Variants in SUPT20H observed in about 807,000 individuals in gnomAD.
SUPT20H encodes the protein transcription factor SPT20 homolog.
A neutral mutation model predicts 122.8 loss-of-function variants in SUPT20H; 82 were observed. That is an observed-to-expected ratio of 0.67 (90% CI 0.56 to 0.80). SUPT20H has a LOEUF of 0.80. Among genes scored for constraint, SUPT20H ranks in the 30% least tolerant of loss-of-function variants. The pLI, the probability that SUPT20H is intolerant of heterozygous loss-of-function variation, is 0.00. For synonymous variants in SUPT20H, 291 were observed against 313.0 expected, an observed-to-expected ratio of 0.93 and a Z score of 0.74; for missense variants, 831 against 921.6, an observed-to-expected ratio of 0.90 and a Z score of 1.27.
chr13:37,021,895 T>C lies in SUPT20H; in HGVS notation c.1661+116A>G, dbSNP rs2061502848. On this transcript the variant is annotated intron_variant, in intron 20 of 25. Transcript: ENST00000350612. ...GCAGCTTCTGTCCATATCTAAACTA[T>C]TCCTTTTCAGTCTGAGTAATATGCG... is the stretch of plus-strand genomic sequence containing the variant. The C allele has an allele frequency of 8.0e-6, 10 of 1,254,794 alleles. No homozygotes were observed. The Admixed American group carries it at 2.6e-4, about 32-fold the overall frequency. The allele number at this position is 1,254,794 out of a possible 1,614,324, so 77.7% of individuals were successfully genotyped here. A position where few individuals can be genotyped will look rare whatever the true frequency, so the allele number is the denominator to read the frequency against.
chr13:37,052,392 T>G (rs960958273), intron 1 of SUPT20H, among the ~76,000 whole-genome samples: 2 of 152,114 alleles, frequency 1.3e-5, no homozygotes, highest in African/African-American at 2.4e-5. Context: ...CATCTAATCT[T>G]TGACAAACCT....
intron 22 of SUPT20H, among the ~76,000 whole-genome samples, chr13:37,018,636 C>T (rs774596274): frequency 6.6e-6 from 1 of 152,092 alleles, no homozygotes; most frequent in Non-Finnish European, 1.5e-5. Context: ...TAGCATAACA[C>T]GAGGAATGTT....
intron 9 of SUPT20H, among the ~76,000 whole-genome samples, chr13:37,034,959 A>G (rs1040618177): frequency 3.9e-5 from 6 of 152,226 alleles, no homozygotes; most frequent in African/African-American, 7.2e-5. Context: ...GTTTTACTGA[A>G]TATTTTAAGG....
rs143280045 is a variant in SUPT20H at position 37,027,427 on chromosome 13, T to C, written c.1152-611A>G. 2.1e-3 allele frequency among the ~76,000 whole-genome samples: 322 copies of C among 152,240 alleles called. 3 individuals are homozygous for C. Among genetic ancestry groups the C allele is most frequent in the African/African-American group, 6.8e-3 (282 of 41,582 alleles). ...GAGGATTCCCTGTTATTTCCTTTCA[T>C]TGACTTTTACCTAAATATTGGTGGG... On this transcript the variant is annotated intron_variant, in intron 14 of 25. Coordinates refer to ENST00000350612, the MANE Select transcript of SUPT20H (RefSeq NM_001014286.3).
chr13:37,041,426 G>C (rs2138659922), intron 7 of SUPT20H, among the ~76,000 whole-genome samples: 1 of 151,866 alleles, frequency 6.6e-6, no homozygotes, highest in East Asian at 1.9e-4. Flanking sequence ...GCTGAGGCAG[G>C]AGAATGGCAT....
chr13:37,017,423 A>G, intron 22 of SUPT20H, 59 bp from the exon 23 acceptor site: 1 of 1,472,652 alleles, frequency 6.8e-7, no homozygotes, highest in Non-Finnish European at 9.2e-7. Context: ...CAAATATTTA[A>G]ATTTATTCTA....
intron 13 of SUPT20H, among the ~76,000 whole-genome samples, chr13:37,029,052 G>A (rs2062822713): frequency 6.6e-6 from 1 of 151,916 alleles, no homozygotes; most frequent in African/African-American, 2.4e-5. Flanking sequence ...CACTCCCAGA[G>A]TTCACCTAAT....
intron 21 of SUPT20H, among the ~76,000 whole-genome samples, chr13:37,020,426 G>T (rs1000464400): frequency 3.3e-5 from 5 of 152,124 alleles, no homozygotes; most frequent in African/African-American, 1.2e-4. Flanking sequence ...ACCAACTGGA[G>T]ATATTTTTAT....
chr13:37,021,364 C>A, intron 21 of SUPT20H, 84 bp downstream of exon 21: 2 of 1,336,520 alleles, frequency 1.5e-6, no homozygotes, highest in Non-Finnish European at 2.0e-6. Flanking sequence ...CATTAAATGC[C>A]TTTAGCATTA....
At chr13:37,026,144 T>C (rs1031402329) in intron 16 of SUPT20H, 60 bp downstream of exon 16, 14 of 1,429,770 alleles carry the variant, frequency 9.8e-6, no homozygotes, top group South Asian at 8.6e-5. Flanking sequence ...CTCTATCCTA[T>C]AAGGGTGAAA....
intron 1 of SUPT20H, among the ~76,000 whole-genome samples, chr13:37,056,568 G>C (rs1566391961): frequency 6.6e-6 from 1 of 151,842 alleles, no homozygotes; most frequent in East Asian, 1.9e-4. Context: ...TGAGCAATGA[G>C]AACTCATGGA....
intron 9 of SUPT20H, among the ~76,000 whole-genome samples, chr13:37,037,871 A>G (rs1258893853): frequency 6.6e-6 from 1 of 152,204 alleles, no homozygotes; most frequent in Non-Finnish European, 1.5e-5. Flanking sequence ...TCAATTAATA[A>G]TATTGCTAAA....
intron 12 of SUPT20H, among the ~76,000 whole-genome samples, chr13:37,030,960 C>G (rs1465656349): frequency 2.6e-5 from 4 of 151,852 alleles, no homozygotes; most frequent in Admixed American, 2.0e-4. Flanking sequence ...AACAGAAGAA[C>G]AAATCTGAAA....
intron 9 of SUPT20H, among the ~76,000 whole-genome samples, chr13:37,037,101 G>T (rs1022104691): frequency 6.6e-6 from 1 of 151,866 alleles, no homozygotes; most frequent in Non-Finnish European, 1.5e-5. Flanking sequence ...GGAGGCCGAG[G>T]TGGGAGGATC....
intron 13 of SUPT20H, among the ~76,000 whole-genome samples, chr13:37,029,227 T>TC (rs984040088): frequency 1.3e-5 from 2 of 152,160 alleles, no homozygotes; most frequent in Non-Finnish European, 2.9e-5. Flanking sequence ...ATGAAGTTCT[T>TC]CATTAAAATT....
At chr13:37,021,956 AG>A (rs1248692921) in intron 20 of SUPT20H, 54 bp downstream of exon 20, 37 of 1,498,972 alleles carry the variant, frequency 2.5e-5, no homozygotes, top group Non-Finnish European at 3.2e-5. Context: ...GAATTTATTT[AG>A]ATTGGTGAAA....
At chr13:37,045,892 T>C (rs768791601) in intron 5 of SUPT20H, among the ~76,000 whole-genome samples, 3 of 152,060 alleles carry the variant, frequency 2.0e-5, no homozygotes, top group Admixed American at 6.6e-5. Flanking sequence ...AAATATCTAA[T>C]TGGTAAGACG....
intron 7 of SUPT20H, among the ~76,000 whole-genome samples, chr13:37,041,168 A>G (rs904925097): frequency 6.6e-6 from 1 of 152,228 alleles, no homozygotes; most frequent in African/African-American, 2.4e-5. Flanking sequence ...TCAGAAATAT[A>G]ATTTTGCCCT....
chr13:37,010,930 G>T (rs1729882851), intron 24 of SUPT20H: 4 of 260,176 alleles, frequency 1.5e-5, no homozygotes, highest in Non-Finnish European at 3.0e-5. Flanking sequence ...TATAAAATTT[G>T]ATATTGATGC....
Sources: allele counts gnomAD v4.1 joint callset (sites outside exome capture counted in the v4.1 genomes callset), GRCh38; gene constraint gnomAD v4.1.1; transcripts MANE v1.5; gene names NCBI Gene and HGNC (gene_info 2026-07-23, HGNC 2026-07-21).